WWOX: variants seen among roughly 807,000 people sequenced by gnomAD.
WWOX encodes WW domain-containing oxidoreductase.
WWOX carries 69 observed loss-of-function variants against 46.2 expected under a neutral mutation model. That is an observed-to-expected ratio of 1.49 (90% CI 1.23 to 1.82). The LOEUF is 1.82. Among genes scored for constraint, WWOX ranks in the 40% most tolerant of loss-of-function variants. The pLI is 0.00. For missense variants in WWOX, 919 were observed against 542.6 expected, an observed-to-expected ratio of 1.69 and a Z score of -6.89; for synonymous variants, 359 against 202.6, an observed-to-expected ratio of 1.77 and a Z score of -6.56.
intron 8 of WWOX, among the ~76,000 whole-genome samples, chr16:79,075,849 C>CA (rs1266656135): frequency 2.1e-4 from 32 of 152,162 alleles, no homozygotes; most frequent in Non-Finnish European, 4.4e-5. Flanking sequence ...ATAACTATCT[C>CA]AAAAAAACAT....
At chr16:78,211,545 TG>T (rs2036560028) in intron 5 of WWOX, among the ~76,000 whole-genome samples, 1 of 152,136 alleles carries the variant, frequency 6.6e-6, no homozygotes, top group Non-Finnish European at 1.5e-5. Context: ...CCTTGGCAGT[TG>T]CTGTTGCTCC....
At chr16:79,078,445 T>G (rs993624172) in intron 8 of WWOX, among the ~76,000 whole-genome samples, 1 of 152,084 alleles carries the variant, frequency 6.6e-6, no homozygotes, top group African/African-American at 2.4e-5. Context: ...GATGGCAGGG[T>G]GGCTGGAGTT....
At chr16:79,052,530 C>T (rs1490262886) in intron 8 of WWOX, among the ~76,000 whole-genome samples, 1 of 152,210 alleles carries the variant, frequency 6.6e-6, no homozygotes, top group African/African-American at 2.4e-5. Context: ...TTGGAACCAA[C>T]CCAAATGTCC....
At chr16:79,153,111 C>T (rs564765219) in intron 8 of WWOX, among the ~76,000 whole-genome samples, 35 of 152,288 alleles carry the variant, frequency 2.3e-4, no homozygotes, top group African/African-American at 8.2e-4. Context: ...TGAGTACACG[C>T]TCAGGGTCAT....
chr16:79,169,979 T>C (rs2050668878), intron 8 of WWOX, among the ~76,000 whole-genome samples: 3 of 152,108 alleles, frequency 2.0e-5, no homozygotes. Flanking sequence ...GCTTGGGTGC[T>C]CTCCTGCAGG....
chr16:79,074,943 A>T (rs965913061), intron 8 of WWOX, among the ~76,000 whole-genome samples: 3 of 152,160 alleles, frequency 2.0e-5, no homozygotes, highest in African/African-American at 7.2e-5. Context: ...ATGTGAGGGA[A>T]GGACATTGTT....
chr16:78,696,740 G>A (rs1319948185), intron 8 of WWOX, among the ~76,000 whole-genome samples: 1 of 152,042 alleles, frequency 6.6e-6, no homozygotes, highest in Non-Finnish European at 1.5e-5. Context: ...CTGGTGATTG[G>A]CGAGACTTTG....
chr16:78,429,353 G>A (rs1340128696), intron 7 of WWOX, among the ~76,000 whole-genome samples: 2 of 152,154 alleles, frequency 1.3e-5, no homozygotes, highest in Non-Finnish European at 2.9e-5. Flanking sequence ...GTCCATGGAG[G>A]CATGCATTTT....
chr16:78,440,791 A>G (rs958735067), intron 8 of WWOX, among the ~76,000 whole-genome samples: 1 of 151,582 alleles, frequency 6.6e-6, no homozygotes, highest in Non-Finnish European at 1.5e-5. Context: ...GCTAATTTAT[A>G]TATTTTTAGT....
rs757271570 is a variant in WWOX at position 78,577,402 on chromosome 16, C to G, written c.1056+144650C>G. 2.6e-5 allele frequency among the ~76,000 whole-genome samples: 4 copies of G among 152,298 alleles called. No individual in the cohort carries two copies. In the South Asian group the frequency reaches 6.2e-4, roughly 24 times the overall value. On this transcript the variant is annotated intron_variant, in intron 8 of 8. Coordinates refer to ENST00000566780, the MANE Select transcript of WWOX (RefSeq NM_016373.4). Reference sequence around the variant, plus strand: ...AGCATTTGTCCCCTAAATTCCAGCACTGCGGCCATGAGTAAAGGGTGCCCT... The same window carrying G: ...AGCATTTGTCCCCTAAATTCCAGCAGTGCGGCCATGAGTAAAGGGTGCCCT...
At chr16:79,048,897 C>A (rs371088902) in intron 8 of WWOX, among the ~76,000 whole-genome samples, 9 of 152,142 alleles carry the variant, frequency 5.9e-5, no homozygotes, top group Non-Finnish European at 1.3e-4. Context: ...AGAGTGACCT[C>A]CAGAACTGTA....
At chr16:78,492,967 C>T (rs559040624) in intron 8 of WWOX, among the ~76,000 whole-genome samples, 91 of 152,286 alleles carry the variant, frequency 6.0e-4, no homozygotes, top group Non-Finnish European at 1.0e-3. Context: ...TCCAAGTAGT[C>T]ATTACTAATC....
At chr16:78,450,906 A>G (rs1210237957) in intron 8 of WWOX, among the ~76,000 whole-genome samples, 2 of 152,210 alleles carry the variant, frequency 1.3e-5, no homozygotes, top group East Asian at 1.9e-4. Context: ...AATGAAAACA[A>G]TACAATTTTC....
At chr16:79,128,022 G>A (rs2049795715) in intron 8 of WWOX, among the ~76,000 whole-genome samples, 1 of 152,184 alleles carries the variant, frequency 6.6e-6, no homozygotes, top group African/African-American at 2.4e-5. Context: ...CATCATTGAT[G>A]AGTGACTGGA....
intron 8 of WWOX, among the ~76,000 whole-genome samples, chr16:78,939,727 A>C (rs373382341): frequency 2.6e-5 from 4 of 152,336 alleles, no homozygotes; most frequent in Admixed American, 1.3e-4. Flanking sequence ...TACTGGGAAA[A>C]ATCCCCATTT....
chr16:78,938,322 C>G (rs1188756578), intron 8 of WWOX, among the ~76,000 whole-genome samples: 1 of 152,324 alleles, frequency 6.6e-6, no homozygotes, highest in East Asian at 1.9e-4. Context: ...GACCATCCTT[C>G]AGAGCTTGGC....
At chr16:78,178,311 C>T (rs555103261) in intron 5 of WWOX, among the ~76,000 whole-genome samples, 25 of 152,296 alleles carry the variant, frequency 1.6e-4, no homozygotes, top group Non-Finnish European at 2.4e-4. Flanking sequence ...TTTTCATTCC[C>T]GCAAAAGCTC....
At chr16:78,429,876 G>C (rs943631119) in intron 7 of WWOX, among the ~76,000 whole-genome samples, 1 of 152,184 alleles carries the variant, frequency 6.6e-6, no homozygotes, top group Non-Finnish European at 1.5e-5. Flanking sequence ...CAGGAAAGAT[G>C]GGGATGTATG....
intron 8 of WWOX, among the ~76,000 whole-genome samples, chr16:78,782,988 A>G (rs916230292): frequency 1.3e-5 from 2 of 152,212 alleles, no homozygotes; most frequent in Non-Finnish European, 2.9e-5. Context: ...GAACACAGGG[A>G]TTTTGAATTA....
Sources: gnomAD v4.1 joint callset for allele counts (sites outside exome capture counted in the v4.1 genomes callset) on GRCh38, gnomAD v4.1.1 for gene constraint, MANE v1.5 for transcripts, NCBI Gene and HGNC (gene_info 2026-07-23, HGNC 2026-07-21) for gene names.